RAB22A: variants seen among roughly 807,000 people sequenced by gnomAD.
RAB22A encodes RAB22A, member RAS oncogene family.
RAB22A carries 13 observed loss-of-function variants against 30.2 expected under a neutral mutation model. That is an observed-to-expected ratio of 0.43 (90% CI 0.28 to 0.68). RAB22A has a LOEUF of 0.68. Among genes scored for constraint, RAB22A ranks in the 30% least tolerant of loss-of-function variants. The pLI, the probability that RAB22A is intolerant of heterozygous loss-of-function variation, is 0.18. For missense variants in RAB22A, 177 were observed against 246.8 expected (o/e 0.72, Z 1.89); for synonymous variants, 89 against 87.2 (o/e 1.02, Z -0.11).
rs969504504 is a variant in RAB22A at position 58,366,183 on chromosome 20, C to G, written c.*6480C>G. On this transcript the variant is annotated 3_prime_UTR_variant, in exon 7 of 7. Coordinates refer to ENST00000244040, the MANE Select transcript of RAB22A (RefSeq NM_020673.3). ...CCTTAGGCTCATTTTTCTGTGGGCT[C>G]TCCCTTAAAGACACATGGCCACAGA... The G allele has an allele frequency of 2.0e-5, 3 of 152,156 alleles. No homozygotes were observed. The highest frequency in any genetic ancestry group is 7.2e-5 in the African/African-American group (3 of 41,436). The allele number at this position is 152,156 out of a possible 1,614,324, so 9.4% of individuals were successfully genotyped here. A position where few individuals can be genotyped will look rare whatever the true frequency, so the allele number is the denominator to read the frequency against.
At chr20:58,329,814 AACAAT>A (rs1327983875) in intron 2 of RAB22A, among the ~76,000 whole-genome samples, 2 of 152,092 alleles carry the variant, frequency 1.3e-5, no homozygotes, top group East Asian at 3.9e-4. Flanking sequence ...CTCTATTCTT[AACAAT>A]CACATAATTT....
chr20:58,326,675 A>G (rs1986575626), intron 2 of RAB22A, among the ~76,000 whole-genome samples: 2 of 152,144 alleles, frequency 1.3e-5, no homozygotes, highest in South Asian at 4.1e-4. Flanking sequence ...TCCTTTGGGA[A>G]CTAGAGTAGA....
chr20:58,325,984 A>G (rs1797183673), intron 2 of RAB22A, among the ~76,000 whole-genome samples: 2 of 152,192 alleles, frequency 1.3e-5, no homozygotes, highest in South Asian at 4.1e-4. Context: ...TTTTCATTCT[A>G]TCACTTTTGC....
At chr20:58,325,983 T>G (rs1986563384) in intron 2 of RAB22A, among the ~76,000 whole-genome samples, 1 of 152,234 alleles carries the variant, frequency 6.6e-6, no homozygotes, top group African/African-American at 2.4e-5. Flanking sequence ...CTTTTCATTC[T>G]ATCACTTTTG....
Position 58,334,529 on chromosome 20 carries a change from G to T in RAB22A, c.117-9189G>T, listed in dbSNP as rs2122948240. Among the ~76,000 whole-genome samples the T allele has an allele frequency of 1.3e-5, 2 of 150,304 alleles. 1 individual carries two copies. The highest frequency in any genetic ancestry group is 6.8e-3 in the Middle Eastern group (2 of 292). ...TTTTTTTTCTTTTTTTTAAATTACAGACTTCATGTTTTGCCTGGGATAGGG... is the reference window on the plus strand; with the variant it reads ...TTTTTTTTCTTTTTTTTAAATTACATACTTCATGTTTTGCCTGGGATAGGG... On this transcript the variant is annotated intron_variant, in intron 2 of 6. Transcript: ENST00000244040.
At chr20:58,311,989 C>CT (rs1437625348) in intron 2 of RAB22A, among the ~76,000 whole-genome samples, 2 of 152,140 alleles carry the variant, frequency 1.3e-5, no homozygotes, top group Non-Finnish European at 2.9e-5. Flanking sequence ...GAGTTTCGCT[C>CT]TTTTTGCCCA....
chr20:58,331,728 CCTT>C lies in RAB22A; in HGVS notation c.117-11986_117-11984del, dbSNP rs745630831. On this transcript the variant is annotated intron_variant, in intron 2 of 6. Coordinates refer to ENST00000244040, the MANE Select transcript of RAB22A (RefSeq NM_020673.3). Reference sequence around the variant, plus strand: ...TCCTTTCTACCTCTTGGGGCTTCCTCCTTCTTGTGTTTCTTGGCTTCAATGTCC... The same window carrying C: ...TCCTTTCTACCTCTTGGGGCTTCCTCCTTGTGTTTCTTGGCTTCAATGTCC... Among the ~76,000 whole-genome samples the C allele has an allele frequency of 1.8e-4, 27 of 152,190 alleles. No homozygotes were observed. In the East Asian group the frequency reaches 2.3e-3, roughly 13 times the overall value.
chr20:58,336,479 A>C (rs1986756368), intron 2 of RAB22A, among the ~76,000 whole-genome samples: 1 of 152,158 alleles, frequency 6.6e-6, no homozygotes, highest in Non-Finnish European at 1.5e-5. Flanking sequence ...TAGAGACTTT[A>C]AGGATACTGC....
chr20:58,358,938 A>G (rs1055096594), intron 6 of RAB22A, among the ~76,000 whole-genome samples: 3 of 150,974 alleles, frequency 2.0e-5, no homozygotes, highest in South Asian at 2.1e-4. Context: ...TCCATGTACT[A>G]TGATGCCACA....
intron 2 of RAB22A, among the ~76,000 whole-genome samples, chr20:58,325,428 G>C (rs1170810792): frequency 6.6e-6 from 1 of 152,172 alleles, no homozygotes; most frequent in Non-Finnish European, 1.5e-5. Flanking sequence ...AGTGAGCCAA[G>C]ATGGCGCCAC....
At chr20:58,335,490 G>A (rs544263242) in intron 2 of RAB22A, among the ~76,000 whole-genome samples, 6 of 152,098 alleles carry the variant, frequency 3.9e-5, no homozygotes, top group African/African-American at 7.2e-5. Context: ...CCTAGGTATA[G>A]GATAGAGAAA....
chr20:58,323,802 T>C (rs1451364772), intron 2 of RAB22A, among the ~76,000 whole-genome samples: 2 of 151,736 alleles, frequency 1.3e-5, no homozygotes, highest in East Asian at 3.8e-4. Context: ...TGCTGGGATC[T>C]TTGATTTTTT....
chr20:58,349,799 C>T (rs1045876420), intron 3 of RAB22A, among the ~76,000 whole-genome samples: 2 of 152,178 alleles, frequency 1.3e-5, no homozygotes, highest in African/African-American at 2.4e-5. Context: ...AAAAACCAAG[C>T]GTCTACAGTG....
chr20:58,329,275 G>A (rs748722109), intron 2 of RAB22A, among the ~76,000 whole-genome samples: 4 of 152,010 alleles, frequency 2.6e-5, no homozygotes, highest in South Asian at 4.1e-4. Context: ...GGATGGTCTC[G>A]ATCTCCTGAC....
chr20:58,354,096 TG>T, intron 5 of RAB22A, 59 bp from the exon 6 acceptor site: 4 of 1,220,966 alleles, frequency 3.3e-6, no homozygotes, highest in Non-Finnish European at 2.4e-6. Flanking sequence ...ACTGGGTAGG[TG>T]GGGGTACAAC....
rs886730935 is a variant in RAB22A, at chr20:58,362,373, A to G, written c.*2670A>G. ...CTAATACACATTTCATATTTTCTTT[A>G]TAATAATTTCTTATGGAGAAGAGGC... On this transcript the variant is annotated 3_prime_UTR_variant, in exon 7 of 7. Coordinates refer to ENST00000244040, the MANE Select transcript of RAB22A (RefSeq NM_020673.3). 1 of 152,180 alleles carries G rather than the reference A, an allele frequency of 6.6e-6. No homozygotes were observed. The highest frequency in any genetic ancestry group is 2.1e-4 in the South Asian group (1 of 4,836). The allele number at this position is 152,180 out of a possible 1,614,324, so 9.4% of individuals were successfully genotyped here.
rs554899521 is a variant in RAB22A, at chr20:58,312,650, G to A, written c.116+1528G>A. Among the ~76,000 whole-genome samples the A allele has an allele frequency of 2.6e-5, 4 of 151,706 alleles. No homozygotes were observed. In the East Asian group the frequency reaches 7.8e-4, roughly 29 times the overall value. On this transcript the variant is annotated intron_variant, in intron 2 of 6. Transcript: ENST00000244040. ...ACTACAGGCACCCACCACCATGCCT[G>A]GCTAATTTTTTTTTGTATTTTTAGT... is the stretch of plus-strand genomic sequence containing the variant.
At chr20:58,345,258 C>A (rs987282570) in intron 3 of RAB22A, among the ~76,000 whole-genome samples, 1 of 152,090 alleles carries the variant, frequency 6.6e-6, no homozygotes. Context: ...AGAGCCTGTC[C>A]TGGTATATGC....
chr20:58,354,322 A>G, intron 6 of RAB22A, 57 bp downstream of exon 6: 4 of 1,195,776 alleles, frequency 3.3e-6, no homozygotes, highest in Non-Finnish European at 4.8e-6. Flanking sequence ...ACACAGAATG[A>G]TCTTCCTGGT....
Sources: gnomAD v4.1 joint callset for allele counts (sites outside exome capture counted in the v4.1 genomes callset) on GRCh38, gnomAD v4.1.1 for gene constraint, MANE v1.5 for transcripts, NCBI Gene and HGNC (gene_info 2026-07-23, HGNC 2026-07-21) for gene names.